The following CNTNAP2 variants were observed in gnomAD, a reference collection of about 807,000 sequenced individuals.
CNTNAP2 encodes the protein contactin associated protein 2.
A neutral mutation model predicts 155.2 loss-of-function variants in CNTNAP2; 98 were observed. The observed-to-expected ratio is 0.63, with a 90% CI of 0.54 to 0.75. The LOEUF is 0.75. CNTNAP2 is among the 30% of genes least tolerant of loss of function. The probability of loss-of-function intolerance (pLI) is 0.00; values close to 1 mark genes in which losing one functional copy is unlikely to be tolerated. For missense variants in CNTNAP2, 1,727 were observed against 1,688.1 expected (o/e 1.02, Z -0.40); for synonymous variants, 651 against 631.2 (o/e 1.03, Z -0.47).
At chr7:148,333,434 GA>G (rs58192570) in intron 21 of CNTNAP2, among the ~76,000 whole-genome samples, 55,807 of 143,342 alleles carry the variant, frequency 0.39, 11,141 homozygotes, top group East Asian at 0.66. Flanking sequence ...CTCAGGAAAG[GA>G]AAAAAAAAAC....
chr7:148,373,895 G>A (rs1798934508), intron 21 of CNTNAP2, among the ~76,000 whole-genome samples: 1 of 152,162 alleles, frequency 6.6e-6, no homozygotes, highest in Admixed American at 6.5e-5. Flanking sequence ...GCGATCGTAT[G>A]GTTTAAATTT....
At chr7:146,419,950 A>G (rs1278215256) in intron 1 of CNTNAP2, among the ~76,000 whole-genome samples, 1 of 152,128 alleles carries the variant, frequency 6.6e-6, no homozygotes, top group Non-Finnish European at 1.5e-5. Context: ...AATATAGAGA[A>G]CTTTTTATAC....
intron 1 of CNTNAP2, among the ~76,000 whole-genome samples, chr7:146,510,965 C>T (rs1341101425): frequency 1.3e-5 from 2 of 152,038 alleles, no homozygotes; most frequent in Admixed American, 6.6e-5. Flanking sequence ...GGCCTGATCT[C>T]GGCTCACTGC....
chr7:146,849,558 C>T (rs1038784231), intron 3 of CNTNAP2, among the ~76,000 whole-genome samples: 3 of 152,144 alleles, frequency 2.0e-5, no homozygotes, highest in Non-Finnish European at 4.4e-5. Flanking sequence ...AACACTTTCT[C>T]GTGGTGTGTA....
At chr7:148,235,039 C>A (rs180999499) in intron 20 of CNTNAP2, among the ~76,000 whole-genome samples, 5 of 152,226 alleles carry the variant, frequency 3.3e-5, no homozygotes, top group Admixed American at 3.3e-4. Flanking sequence ...AATTCTAGGT[C>A]CTCAGGAACA....
At chr7:146,986,186 G>A (rs190895875) in intron 3 of CNTNAP2, among the ~76,000 whole-genome samples, 1 of 151,968 alleles carries the variant, frequency 6.6e-6, no homozygotes, top group African/African-American at 2.4e-5. Flanking sequence ...CCTAAAGTCC[G>A]TTGTGTCATT....
intron 2 of CNTNAP2, among the ~76,000 whole-genome samples, chr7:146,812,575 G>A (rs1803087870): frequency 6.6e-6 from 1 of 151,780 alleles, no homozygotes; most frequent in African/African-American, 2.4e-5. Context: ...ATTTCTAAGT[G>A]GCAAAGCTCT....
At chr7:147,685,664 CAG>C (rs1469746650) in intron 13 of CNTNAP2, among the ~76,000 whole-genome samples, 3 of 151,430 alleles carry the variant, frequency 2.0e-5, no homozygotes, top group African/African-American at 7.3e-5. Context: ...AATAAAAAAA[CAG>C]AAACGTATAC....
chr7:148,234,245 T>C (rs545892954), intron 20 of CNTNAP2, among the ~76,000 whole-genome samples: 51 of 152,284 alleles, frequency 3.3e-4, no homozygotes, highest in African/African-American at 1.2e-3. Flanking sequence ...TCCGTCATAC[T>C]TCAAAGTGTA....
In CNTNAP2 at chr7:147,977,964, A is replaced by G. The variant is rs1305445778; in HGVS notation, c.2358A>G (p.Val786=). 1.9e-6 allele frequency: 3 copies of G among 1,614,132 alleles called. No individual in the cohort carries two copies. The Admixed American group carries it at 5.0e-5, about 27-fold the overall frequency. The change falls in exon 15 of 24, where the codon GTA becomes GTG. Residue 786 remains valine (V), a synonymous_variant. Coordinates refer to ENST00000361727, the MANE Select transcript of CNTNAP2 (RefSeq NM_014141.6). Reference sequence around the variant, plus strand: ...AAGGCTCAGAAGCCAAATTGAGCGTAGGTCCTCTGCGCTGCCAAGGAGACA... The same window carrying G: ...AAGGCTCAGAAGCCAAATTGAGCGTGGGTCCTCTGCGCTGCCAAGGAGACA... The part of the protein sequence containing the change: ...DRQGSEAKLS[V]GPLRCQGDRN...
chr7:148,073,086 A>G (rs1436903373), intron 15 of CNTNAP2, among the ~76,000 whole-genome samples: 5 of 152,156 alleles, frequency 3.3e-5, no homozygotes, highest in African/African-American at 7.2e-5. Flanking sequence ...ACATCCCCCA[A>G]TTGCAACAAC....
At chr7:148,401,240 G>A (rs1260991575) in intron 22 of CNTNAP2, among the ~76,000 whole-genome samples, 3 of 152,170 alleles carry the variant, frequency 2.0e-5, no homozygotes, top group Non-Finnish European at 2.9e-5. Flanking sequence ...TGAATGAGGA[G>A]TCGAAAGACC....
intron 3 of CNTNAP2, among the ~76,000 whole-genome samples, chr7:146,880,025 C>G (rs990346531): frequency 6.6e-6 from 1 of 151,980 alleles, no homozygotes; most frequent in Admixed American, 6.6e-5. Context: ...ACCATGAGAA[C>G]AGTATGTGGG....
chr7:146,138,034 A>T lies in CNTNAP2; in HGVS notation c.97+21061A>T, dbSNP rs189684695. 2.5e-4 allele frequency among the ~76,000 whole-genome samples: 38 copies of T among 152,164 alleles called. 1 individual carries two copies. The highest frequency in any genetic ancestry group is 8.4e-4 in the African/African-American group (35 of 41,564). On this transcript the variant is annotated intron_variant, in intron 1 of 23. Transcript: ENST00000361727. ...TTTTTCAGTTAAATTTGGTTTTTGC[A>T]AACTACATTCCTTGCACATCATGAG...
At position 148,351,744 on chromosome 7, in the gene CNTNAP2, C is replaced by CAAAAAAAAAAAAAAAAAAAAAAAAA. The variant is rs71188974; in HGVS notation, c.3476-31889_3476-31888insAAAAAAAAAAAAAAAAAAAAAAAAA. 8.4e-4 allele frequency among the ~76,000 whole-genome samples: 72 copies of CAAAAAAAAAAAAAAAAAAAAAAAAA among 85,344 alleles called. 1 individual carries two copies. Among genetic ancestry groups the CAAAAAAAAAAAAAAAAAAAAAAAAA allele is most frequent in the Non-Finnish European group, 1.0e-3 (50 of 48,380 alleles). 56.0% of individuals were successfully genotyped at this position (85,344 alleles called of 152,430 possible). ...GGCAACAGAGTGAGACTCTGTCTCA[C>CAAAAAAAAAAAAAAAAAAAAAAAAA]AAAAAAAAAAAAAAAATAGAAACCG... On this transcript the variant is annotated intron_variant, in intron 21 of 23. Transcript: ENST00000361727.
intron 14 of CNTNAP2, among the ~76,000 whole-genome samples, chr7:147,946,069 T>C (rs569281644): frequency 2.9e-4 from 44 of 152,014 alleles, no homozygotes; most frequent in Non-Finnish European, 6.0e-4. Context: ...GGTTTCACCA[T>C]GTTGGTCAGG....
chr7:147,639,035 T>C, intron 12 of CNTNAP2, 71 bp from the exon 13 acceptor site: 1 of 1,478,386 alleles, frequency 6.8e-7, no homozygotes, highest in South Asian at 1.1e-5. Context: ...TGTGGCTCAA[T>C]TATTTTCTGA....
intron 1 of CNTNAP2, among the ~76,000 whole-genome samples, chr7:146,727,623 G>C (rs1472463349): frequency 6.6e-6 from 1 of 152,144 alleles, no homozygotes; most frequent in Non-Finnish European, 1.5e-5. Flanking sequence ...TTCACTGTCA[G>C]GCTGACTAAA....
chr7:147,462,442 ATT>A (rs1798041079), intron 10 of CNTNAP2, among the ~76,000 whole-genome samples: 1 of 152,200 alleles, frequency 6.6e-6, no homozygotes, highest in African/African-American at 2.4e-5. Context: ...TCTAGAAAGC[ATT>A]TCATTTTCCA....
Sources: gnomAD v4.1 joint callset for allele counts (sites outside exome capture counted in the v4.1 genomes callset) on GRCh38, gnomAD v4.1.1 for gene constraint, MANE v1.5 for transcripts, NCBI Gene and HGNC (gene_info 2026-07-23, HGNC 2026-07-21) for gene names.